IMPG2: variants seen among roughly 807,000 people sequenced by gnomAD.
IMPG2 encodes interphotoreceptor matrix proteoglycan 2.
IMPG2 carries 91 observed loss-of-function variants against 129.2 expected under a neutral mutation model. That is an observed-to-expected ratio of 0.70 (90% confidence interval 0.59 to 0.84). The LOEUF is 0.84. Among genes scored for constraint, IMPG2 ranks in the 40% least tolerant of loss-of-function variants. The pLI is 0.00. For missense variants in IMPG2, 1,430 were observed against 1,461.7 expected (o/e 0.98, Z 0.35); for synonymous variants, 510 against 517.7 (o/e 0.99, Z 0.20).
chr3:101,320,326 A>T lies in IMPG2; in HGVS notation c.47T>A (p.Ile16Lys). 1.9e-6 allele frequency: 3 copies of T among 1,607,816 alleles called. No individual in the cohort carries two copies. The highest frequency in any genetic ancestry group is 2.6e-6 in the Non-Finnish European group (3 of 1,174,960). Residue 16 changes from isoleucine (I) to lysine (K), a missense_variant, in exon 1 of 19, where the codon ATA (isoleucine) becomes AAA (lysine). Physicochemically the swap from Ile to Lys is moderately radical, Grantham distance 102. Coordinates refer to ENST00000193391, the MANE Select transcript of IMPG2 (RefSeq NM_016247.4). ...AAAGTCTCCTTCTATCAGGACAAAT[A>T]TCAAAATACCCAGAGAAATCTTCCC... ...LFGKISLGILIFVLIEGDFPS... is the reference protein window; with the variant it reads ...LFGKISLGILKFVLIEGDFPS...
intron 17 of IMPG2, 76 bp downstream of exon 17, chr3:101,229,304 C>CCCCCCCCCCCCCCCCG: frequency 2.3e-6 from 2 of 875,158 alleles, no homozygotes; most frequent in Non-Finnish European, 1.9e-6. Context: ...ATACACACCC[C>CCCCCCCCCCCCCCCCG]CACCCACCAC....
intron 2 of IMPG2, among the ~76,000 whole-genome samples, chr3:101,306,721 T>C (rs1409825614): frequency 6.6e-6 from 1 of 151,908 alleles, no homozygotes; most frequent in Non-Finnish European, 1.5e-5. Context: ...TAAATCTCAA[T>C]GCCTTCTTCA....
At chr3:101,301,099 A>C (rs575721490) in intron 3 of IMPG2, among the ~76,000 whole-genome samples, 42 of 152,352 alleles carry the variant, frequency 2.8e-4, no homozygotes, top group Non-Finnish European at 5.4e-4. Context: ...AGGAAAAGTC[A>C]GTCGGTGGAG....
chr3:101,294,865 A>G (rs1317999080), intron 3 of IMPG2, among the ~76,000 whole-genome samples: 3 of 151,908 alleles, frequency 2.0e-5, no homozygotes, highest in Non-Finnish European at 4.4e-5. Context: ...TTTTTTTCAT[A>G]TGTTTGTTGG....
intron 3 of IMPG2, among the ~76,000 whole-genome samples, chr3:101,297,050 C>T (rs1707086810): frequency 6.6e-6 from 1 of 152,124 alleles, no homozygotes; most frequent in Non-Finnish European, 1.5e-5. Context: ...CTACAGGCGC[C>T]AGGCGCCAGC....
Position 101,242,913 on chromosome 3 carries a change from A to G in IMPG2, c.2803-6T>C. The G allele has an allele frequency of 1.9e-6, 3 of 1,610,976 alleles. No individual in the cohort carries two copies. The highest frequency in any genetic ancestry group is 2.5e-6 in the Non-Finnish European group (3 of 1,177,202). On this transcript the variant is annotated splice_polypyrimidine_tract_variant and splice_region_variant and intron_variant, in intron 13 of 18. Transcript: ENST00000193391. ...GACTGGAGATAGGGAACCAGCTACAATATACAAAAGTGGTAAGTTTATTGA... is the reference window on the plus strand; with the variant it reads ...GACTGGAGATAGGGAACCAGCTACAGTATACAAAAGTGGTAAGTTTATTGA...
At chr3:101,306,780 T>C (rs756324939) in intron 2 of IMPG2, among the ~76,000 whole-genome samples, 7 of 152,114 alleles carry the variant, frequency 4.6e-5, no homozygotes, top group Non-Finnish European at 8.8e-5. Context: ...TACTATGAAG[T>C]TTCTAAAATA....
chr3:101,316,792 CATA>C (rs1559662035), intron 2 of IMPG2, among the ~76,000 whole-genome samples: 1 of 151,946 alleles, frequency 6.6e-6, no homozygotes, highest in South Asian at 2.1e-4. Flanking sequence ...CCCAAATGAC[CATA>C]ATTTCTTTTC....
chr3:101,260,862 C>T (rs1020202332), intron 9 of IMPG2, among the ~76,000 whole-genome samples: 1 of 152,116 alleles, frequency 6.6e-6, no homozygotes, highest in Non-Finnish European at 1.5e-5. Flanking sequence ...AGCACAATGC[C>T]TGGCTCATAG....
chr3:101,276,594 CT>C, intron 5 of IMPG2, 69 bp downstream of exon 5: 1 of 1,046,716 alleles, frequency 9.6e-7, no homozygotes, highest in East Asian at 2.4e-5. Context: ...AAAAAATGTA[CT>C]TGTTTGTGAG....
At chr3:101,254,248 G>A (rs1466479543) in intron 10 of IMPG2, among the ~76,000 whole-genome samples, 7 of 152,074 alleles carry the variant, frequency 4.6e-5, no homozygotes, top group Non-Finnish European at 1.0e-4. Context: ...CTTTGTCACT[G>A]TAATGATATT....
intron 17 of IMPG2, 84 bp downstream of exon 17, chr3:101,229,296 A>G (rs1255964649): frequency 3.0e-6 from 3 of 998,290 alleles, no homozygotes; most frequent in South Asian, 2.6e-5. Flanking sequence ...ATACACTCAT[A>G]CACACCCCCA....
intron 3 of IMPG2, among the ~76,000 whole-genome samples, chr3:101,298,494 AT>A (rs1707105787): frequency 6.6e-6 from 1 of 152,114 alleles, no homozygotes; most frequent in East Asian, 1.9e-4. Context: ...TCATAGTGTC[AT>A]TGGTCTTTAT....
intron 13 of IMPG2, 28 bp from the exon 14 acceptor site, chr3:101,242,935 T>C (rs79776003): frequency 6.3e-7 from 1 of 1,578,132 alleles, no homozygotes; most frequent in East Asian, 2.2e-5. Flanking sequence ...GGTAAGTTTA[T>C]TGACAGCGTG....
chr3:101,250,356 T>C (rs1004992102), intron 11 of IMPG2, among the ~76,000 whole-genome samples: 2 of 152,208 alleles, frequency 1.3e-5, no homozygotes, highest in Admixed American at 1.3e-4. Flanking sequence ...ACATCAGCTC[T>C]TGTCTTGCTC....
At chr3:101,279,026 A>G (rs558699334) in intron 4 of IMPG2, among the ~76,000 whole-genome samples, 1 of 152,200 alleles carries the variant, frequency 6.6e-6, no homozygotes, top group Admixed American at 6.5e-5. Context: ...AGGGTCCATC[A>G]ATTGTCCACA....
rs543930392 is a variant in IMPG2, at chr3:101,223,218, A to G, written c.*3751T>C. 1 of 152,326 alleles carries G rather than the reference A, an allele frequency of 6.6e-6. No homozygotes were observed. Among genetic ancestry groups the G allele is most frequent in the East Asian group, 1.9e-4 (1 of 5,188 alleles). 9.4% of individuals were successfully genotyped at this position (152,326 alleles called of 1,614,324 possible). On this transcript the variant is annotated 3_prime_UTR_variant, in exon 19 of 19. Coordinates refer to ENST00000193391, the MANE Select transcript of IMPG2 (RefSeq NM_016247.4). ...ACCGTCACATCATTTTTCTGCATTT[A>G]TTACACAATTGGGAGAATAAGCTAG... is the stretch of plus-strand genomic sequence containing the variant.
chr3:101,266,511 C>T (rs1706721510), intron 9 of IMPG2, among the ~76,000 whole-genome samples: 1 of 152,136 alleles, frequency 6.6e-6, no homozygotes, highest in African/African-American at 2.4e-5. Context: ...TAACTCCCTC[C>T]TACCATCTCC....
At chr3:101,265,389 A>G (rs1252251136) in intron 9 of IMPG2, among the ~76,000 whole-genome samples, 1 of 152,178 alleles carries the variant, frequency 6.6e-6, no homozygotes, top group African/African-American at 2.4e-5. Flanking sequence ...TCCAGAAATC[A>G]ATTCATATCT....
Sources: allele counts gnomAD v4.1 joint callset (sites outside exome capture counted in the v4.1 genomes callset), GRCh38; gene constraint gnomAD v4.1.1; transcripts MANE v1.5; gene names NCBI Gene and HGNC (gene_info 2026-07-23, HGNC 2026-07-21).